HMCN1: variants seen among roughly 807,000 people sequenced by gnomAD.
The protein encoded by HMCN1 is hemicentin 1.
HMCN1 carries 321 observed loss-of-function variants against 625.9 expected under a neutral mutation model. The ratio of observed to expected loss-of-function variants is 0.51; its 90% confidence interval spans 0.47 to 0.56. The LOEUF (loss-of-function observed/expected upper bound fraction) is 0.56. HMCN1 is among the 20% of genes least tolerant of loss of function. HMCN1 has a pLI of 0.00. For synonymous variants in HMCN1, 2,425 were observed against 2,417.6 expected (o/e 1.00, Z -0.09); for missense variants, 6,588 against 6,887.3 (o/e 0.96, Z 1.54).
chr1:185,964,342 AT>A (rs576314060), intron 13 of HMCN1, among the ~76,000 whole-genome samples: 52 of 152,234 alleles, frequency 3.4e-4, no homozygotes, highest in Non-Finnish European at 7.2e-4. Flanking sequence ...CTTCATGAAA[AT>A]TATTCTACAG....
intron 76 of HMCN1, 55 bp downstream of exon 76, chr1:186,117,170 TCTA>T: frequency 1.9e-6 from 3 of 1,605,420 alleles, no homozygotes; most frequent in Non-Finnish European, 2.6e-6. Context: ...ACTTCGTTAT[TCTA>T]CTACTTTACA....
chr1:185,753,160 A>G (rs890768611), intron 1 of HMCN1, among the ~76,000 whole-genome samples: 1 of 152,136 alleles, frequency 6.6e-6, no homozygotes, highest in Admixed American at 6.5e-5. Context: ...TTACCCAACT[A>G]GGAATATACA....
At chr1:185,971,503 A>G (rs1211497536) in intron 15 of HMCN1, among the ~76,000 whole-genome samples, 2 of 152,216 alleles carry the variant, frequency 1.3e-5, no homozygotes, top group Admixed American at 1.3e-4. Flanking sequence ...TATTTGTGTC[A>G]CTTAGAACTT....
At chr1:185,801,028 C>T (rs959003439) in intron 1 of HMCN1, among the ~76,000 whole-genome samples, 1 of 151,952 alleles carries the variant, frequency 6.6e-6, no homozygotes, top group Admixed American at 6.6e-5. Flanking sequence ...CATCTAAAAA[C>T]AAAACAAAAC....
rs555500699 is a variant in HMCN1, at chr1:185,775,677, T to G, written c.268+40630T>G. On this transcript the variant is annotated intron_variant, in intron 1 of 106. Transcript: ENST00000271588. ...GTCACTGGAGGGAAACAAAAAGGGA[T>G]TTGATGTAACTAATTGATTGTGAAT... Among the ~76,000 whole-genome samples the G allele has an allele frequency of 2.6e-5, 4 of 152,236 alleles. No individual in the cohort carries two copies. The South Asian group carries it at 8.3e-4, about 32-fold the overall frequency.
intron 82 of HMCN1, among the ~76,000 whole-genome samples, chr1:186,126,254 C>CATAT (rs141832430): frequency 2.2e-3 from 329 of 151,304 alleles, no homozygotes; most frequent in African/African-American, 7.6e-3. Flanking sequence ...CATAAATATT[C>CATAT]ATATATATTC....
At position 186,119,224 on chromosome 1, in the gene HMCN1, A is replaced by G. The variant is rs376243909; in HGVS notation, c.11882A>G (p.His3961Arg). 6.2e-5 allele frequency: 100 copies of G among 1,613,834 alleles called. 1 individual carries two copies. Among genetic ancestry groups the G allele is most frequent in the Non-Finnish European group, 8.1e-5 (96 of 1,179,874 alleles). ...GAAATACTTGCCACCCAATTAAACC[A>G]TGCTGGAAGATACACTTGTGTCGCT... is the stretch of plus-strand genomic sequence containing the variant. ...AIEILATQLN[H>R]AGRYTCVARN... The change falls in exon 78 of 107, where the codon CAT becomes CGT. Residue 3961 changes from histidine to arginine, a missense_variant. Physicochemically the swap from His to Arg is conservative, Grantham distance 29. Transcript: ENST00000271588.
At chr1:186,186,260 A>G (rs558073747) in intron 105 of HMCN1, among the ~76,000 whole-genome samples, 2 of 152,276 alleles carry the variant, frequency 1.3e-5, no homozygotes, top group South Asian at 4.1e-4. Flanking sequence ...CACTTCTGAA[A>G]TCTAATTTAA....
intron 1 of HMCN1, among the ~76,000 whole-genome samples, chr1:185,771,789 T>C (rs970044160): frequency 1.3e-5 from 2 of 152,308 alleles, no homozygotes; most frequent in Admixed American, 1.3e-4. Context: ...AATCTGTTGA[T>C]ACAGATAGAG....
intron 1 of HMCN1, among the ~76,000 whole-genome samples, chr1:185,841,033 G>C (rs1571430364): frequency 6.6e-6 from 1 of 152,112 alleles, no homozygotes; most frequent in Admixed American, 6.6e-5. Flanking sequence ...TGAGAGGCTG[G>C]ATATTGATCT....
At chr1:186,005,466 A>T (rs192385748) in intron 29 of HMCN1, among the ~76,000 whole-genome samples, 4 of 150,916 alleles carry the variant, frequency 2.7e-5, no homozygotes, top group Admixed American at 2.6e-4. Flanking sequence ...TTTATAAACA[A>T]GTTTTTAATT....
rs537783804 is a variant in HMCN1 at position 186,117,493 on chromosome 1, C to T, written c.11718C>T (p.Phe3906=). 4 of 1,613,832 alleles carry T rather than the reference C, an allele frequency of 2.5e-6. No individual in the cohort carries two copies. The African/African-American group carries it at 5.3e-5, about 22-fold the overall frequency. The part of the protein sequence containing the change: ...PPSIADEPTD[F]LVTKHAPAVI... Reference sequence around the variant, plus strand: ...CCATAGCTGATGAGCCTACAGATTTCCTAGTAACCAAACATGCCCCAGCAG... The same window carrying T: ...CCATAGCTGATGAGCCTACAGATTTTCTAGTAACCAAACATGCCCCAGCAG... Residue 3906 remains phenylalanine, a synonymous_variant, in exon 77 of 107, where the codon TTC becomes TTT. Coordinates refer to ENST00000271588, the MANE Select transcript of HMCN1 (RefSeq NM_031935.3).
At chr1:186,025,032 G>A (rs1254524655) in intron 36 of HMCN1, among the ~76,000 whole-genome samples, 2 of 152,150 alleles carry the variant, frequency 1.3e-5, no homozygotes, top group East Asian at 3.8e-4. Context: ...CCCTGAGCTT[G>A]TTTTTCTGCA....
At chr1:185,863,027 A>C (rs756379491) in intron 2 of HMCN1, among the ~76,000 whole-genome samples, 1 of 152,168 alleles carries the variant, frequency 6.6e-6, no homozygotes, top group Non-Finnish European at 1.5e-5. Flanking sequence ...GGTTCTTATG[A>C]CCCTGATTAG....
rs1169929635 is a variant in HMCN1, at chr1:185,965,897, C to G, written c.2194C>G (p.Gln732Glu). 5 of 1,585,866 alleles carry G rather than the reference C, an allele frequency of 3.2e-6. No individual in the cohort carries two copies. The highest frequency in any genetic ancestry group is 4.3e-6 in the Non-Finnish European group (5 of 1,154,440). Residue 732 changes from glutamine to glutamate, a missense_variant, in exon 14 of 107, where the codon CAA (glutamine) becomes GAA (glutamate). By Grantham distance (29) the Gln-to-Glu change is conservative. Around this residue, in one of 3 missense-constraint regions of HMCN1, gnomAD observed 4,628 missense variants for 4,853.1 expected, o/e 0.95. Coordinates refer to ENST00000271588, the MANE Select transcript of HMCN1 (RefSeq NM_031935.3). ...ECKTSGIPPP[Q>E]VKWFKGDLEL... ...CAAAACCTCTGGTATTCCTCCACCT[C>G]AAGTTAAATGGTTCAAAGGTACATT...
Position 186,062,551 on chromosome 1 carries a change from T to C in HMCN1, c.7464T>C (p.Asp2488=). The C allele has an allele frequency of 1.2e-6, 2 of 1,612,778 alleles. No homozygotes were observed. The highest frequency in any genetic ancestry group is 2.2e-5 in the South Asian group (2 of 91,062). ...TTGTGGGTGAAAATACATTGGAAGATGTGAAGGTAAAAGAGAAACAGAGTG... is the reference window on the plus strand; with the variant it reads ...TTGTGGGTGAAAATACATTGGAAGACGTGAAGGTAAAAGAGAAACAGAGTG... ...PHIVGENTLE[D]VKVKEKQSVT... is the part of the protein sequence containing the mutation. Residue 2488 remains aspartate, a synonymous_variant, in exon 48 of 107, where the codon GAT becomes GAC. Transcript: ENST00000271588.
intron 68 of HMCN1, among the ~76,000 whole-genome samples, chr1:186,097,058 TAA>T (rs1366063829): frequency 6.6e-6 from 1 of 151,982 alleles, no homozygotes; most frequent in Non-Finnish European, 1.5e-5. Context: ...GGCAAAAAAA[TAA>T]AAGACATCCA....
In HMCN1 at chr1:186,125,750, T is replaced by C; in HGVS notation, c.12646T>C (p.Tyr4216His). The C allele has an allele frequency of 6.2e-7, 1 of 1,613,392 alleles. No individual in the cohort carries two copies. The highest frequency in any genetic ancestry group is 1.3e-5 in the African/African-American group (1 of 74,998). ...NVLLANLLGK[Y>H]TAEPYGELIL... Reference sequence around the variant, plus strand: ...TCTTTTAGCTAACTTGTTAGGAAAATACACTGCTGAACCATATGGAGAACT... The same window carrying C: ...TCTTTTAGCTAACTTGTTAGGAAAACACACTGCTGAACCATATGGAGAACT... Residue 4216 changes from tyrosine (Y) to histidine (H), a missense_variant, in exon 82 of 107, where the codon TAC becomes CAC. Transcript: ENST00000271588.
chr1:186,138,191 T>A (rs976248308), intron 89 of HMCN1, among the ~76,000 whole-genome samples: 1 of 152,156 alleles, frequency 6.6e-6, no homozygotes. Flanking sequence ...TTAATTGAAC[T>A]TGAAGAAAGG....
Sources: allele counts gnomAD v4.1 joint callset (sites outside exome capture counted in the v4.1 genomes callset), GRCh38; gene constraint gnomAD v4.1.1; regional missense constraint gnomAD v4.1.1; transcripts MANE v1.5; gene names NCBI Gene and HGNC (gene_info 2026-07-23, HGNC 2026-07-21).